The following FHL2 variants were observed in gnomAD, a reference collection of about 807,000 sequenced individuals.
FHL2 encodes the protein four and a half LIM domains 2, also known as four and a half LIM domains protein 2.
In FHL2, 20 loss-of-function variants were observed where a neutral mutation model predicts 32.7. The ratio of observed to expected loss-of-function variants is 0.61; its 90% CI spans 0.43 to 0.89. The LOEUF (loss-of-function observed/expected upper bound fraction) is 0.89, where lower values mean the gene tolerates loss of function less well. Ranked by LOEUF, FHL2 falls within the 40% of genes least tolerant of loss-of-function variation. The pLI is 0.00. For synonymous variants in FHL2, 123 were observed against 128.1 expected (o/e 0.96, Z 0.27); for missense variants, 311 against 358.6 (o/e 0.87, Z 1.07).
chr2:105,363,429 G>A lies in FHL2; in HGVS notation c.544C>T (p.His182Tyr). 9 of 1,612,636 alleles carry A rather than the reference G, an allele frequency of 5.6e-6. No homozygotes were observed. Among genetic ancestry groups the A allele is most frequent in the Non-Finnish European group, 7.6e-6 (9 of 1,179,402 alleles). The change falls in exon 6 of 7, where the codon CAC becomes TAC. Residue 182 changes from histidine (H) to tyrosine (Y), a missense_variant. Coordinates refer to ENST00000530340, the MANE Select transcript of FHL2 (RefSeq NM_001318895.3). ...GCGGTGCACACGAAGCACTCCTTGT[G>A]CCAGGGCTGCTCCCGGTAAGTGACC... Reference protein sequence around the residue: ...GGVTYREQPWHKECFVCTACR... With the variant: ...GGVTYREQPWYKECFVCTACR...
At chr2:105,401,555 C>A (rs1415635534), upstream of FHL2, among the ~76,000 whole-genome samples, 1 of 152,172 alleles carries the variant, frequency 6.6e-6, no homozygotes, top group African/African-American at 2.4e-5. Flanking sequence ...TGTAGATATA[C>A]TTGCTCCTGT....
At chr2:105,411,143 G>A (rs1000576591) in intron 1 of FHL2, among the ~76,000 whole-genome samples, 6 of 152,138 alleles carry the variant, frequency 3.9e-5, no homozygotes, top group East Asian at 1.9e-4. Context: ...AACCACCATC[G>A]CTCTAATCCT....
At chr2:105,372,711 C>A (rs1040107398) in intron 4 of FHL2, among the ~76,000 whole-genome samples, 3 of 152,014 alleles carry the variant, frequency 2.0e-5, no homozygotes, top group African/African-American at 7.3e-5. Flanking sequence ...ATCTCTTGAA[C>A]CTGGGAGGCA....
intron 1 of FHL2, among the ~76,000 whole-genome samples, chr2:105,404,649 G>T (rs1043496023): frequency 6.6e-6 from 1 of 152,188 alleles, no homozygotes; most frequent in African/African-American, 2.4e-5. Flanking sequence ...TTACAGGAAC[G>T]ATCTTGCAGG....
downstream of FHL2, chr2:105,359,267 A>G (rs942645674): frequency 2.6e-5 from 4 of 152,226 alleles, no homozygotes; most frequent in Admixed American, 6.5e-5. Flanking sequence ...GGAACAAGTA[A>G]GATGTTCCAA....
At chr2:105,393,906 A>G (rs1039789100) in intron 2 of FHL2, among the ~76,000 whole-genome samples, 2 of 152,310 alleles carry the variant, frequency 1.3e-5, no homozygotes, top group Admixed American at 6.5e-5. Flanking sequence ...ACACAGCTGC[A>G]CAGTCCAGGA....
intron 6 of FHL2, chr2:105,363,012 G>GGA: frequency 2.4e-6 from 1 of 414,334 alleles, no homozygotes; most frequent in African/African-American, 2.0e-5. Flanking sequence ...ACAGACTGCA[G>GGA]TTTTAGCGAT....
chr2:105,399,232 C>G, upstream of FHL2: 2 of 1,534,270 alleles, frequency 1.3e-6, no homozygotes, highest in South Asian at 2.4e-5. Context: ...CCTTTGTTTG[C>G]CAGGGCTCCT....
rs1684222086 is a variant in FHL2, at chr2:105,425,204, C to CA, written c.-25+13194dup. Reference sequence around the variant, plus strand: ...CCACTTTGACCCAACTTGGAGCTCACAAAAACATGTGTTGTATAAAATCAA... The same window carrying CA: ...CCACTTTGACCCAACTTGGAGCTCACAAAAAACATGTGTTGTATAAAATCAA... On this transcript the variant is annotated intron_variant, in intron 1 of 5. Transcript: ENST00000393352. 2.1e-5 allele frequency among the ~76,000 whole-genome samples: 3 copies of CA among 144,116 alleles called. No individual in the cohort carries two copies. The South Asian group carries it at 6.9e-4, about 33-fold the overall frequency. 94.5% of individuals were successfully genotyped at this position (144,116 alleles called of 152,430 possible).
chr2:105,367,781 G>C lies in FHL2; in HGVS notation c.332-42C>G, dbSNP rs773589636. The C allele has an allele frequency of 1.9e-6, 3 of 1,570,314 alleles. No individual in the cohort carries two copies. The Admixed American group carries it at 5.3e-5, about 28-fold the overall frequency. On this transcript the variant is annotated intron_variant, in intron 4 of 6. Coordinates refer to ENST00000530340, the MANE Select transcript of FHL2 (RefSeq NM_001318895.3). ...GAGGAACACAGCAGAGTTATGGTTA[G>C]AGGGGTGTGGAGTCCCAGCAATCTG... is the stretch of plus-strand genomic sequence containing the variant.
At position 105,429,515 on chromosome 2, in the gene FHL2, G is replaced by C. The variant is rs115706643; in HGVS notation, c.-25+8884C>G. The stretch of plus-strand genomic sequence containing the variant: ...CTGGGCTTTGAAGATAGAAGAAGGG[G>C]CCATGAGCCAAGGAACGTAGGTAGC... On this transcript the variant is annotated intron_variant, in intron 1 of 5. Coordinates refer to the FHL2 transcript ENST00000393352. 7.3e-3 allele frequency among the ~76,000 whole-genome samples: 1,112 copies of C among 152,270 alleles called. 4 individuals are homozygous for C. The highest frequency in any genetic ancestry group is 0.011 in the Non-Finnish European group (732 of 68,024).
intron 3 of FHL2, chr2:105,375,888 C>T (rs915479433): frequency 6.6e-6 from 1 of 152,154 alleles, no homozygotes. Flanking sequence ...TTTCAGAAAT[C>T]TGAGGGGAAC....
upstream of FHL2, among the ~76,000 whole-genome samples, chr2:105,402,135 A>G (rs1448714080): frequency 1.3e-5 from 2 of 149,564 alleles, no homozygotes; most frequent in Non-Finnish European, 3.0e-5. Context: ...ACATATACAC[A>G]TATACACACA....
chr2:105,437,060 C>A (rs180719298), intron 1 of FHL2, among the ~76,000 whole-genome samples: 2 of 152,154 alleles, frequency 1.3e-5, no homozygotes, highest in East Asian at 1.9e-4. Flanking sequence ...CTCTGGAAGC[C>A]CTGAATAGAA....
chr2:105,380,790 A>G (rs1281680273), intron 3 of FHL2, among the ~76,000 whole-genome samples: 1 of 152,226 alleles, frequency 6.6e-6, no homozygotes, highest in East Asian at 1.9e-4. Context: ...AAGAAAGAAA[A>G]AAAAAGTCTT....
At chr2:105,372,495 G>A (rs1433107574) in intron 4 of FHL2, among the ~76,000 whole-genome samples, 1 of 152,084 alleles carries the variant, frequency 6.6e-6, no homozygotes, top group Non-Finnish European at 1.5e-5. Flanking sequence ...AAAGTGCTGG[G>A]ATTACAGGGG....
rs1476835005 is a variant in FHL2 at position 105,367,662 on chromosome 2, CA to C, written c.408del (p.Ile136MetfsTer75). On this transcript the variant is annotated frameshift_variant, in exon 5 of 7. Transcript: ENST00000530340. LOFTEE classifies it high-confidence loss of function. ...CFICHRCQQP[I>X]GTKSFIPKDN... ...TCTTTGGGGATGAAACTCTTGGTTC[CA>C]ATTGGCTGCTGGCAGCGGTGGCAGA... 1.9e-6 allele frequency: 3 copies of C among 1,614,186 alleles called. No individual in the cohort carries two copies. The highest frequency in any genetic ancestry group is 2.5e-6 in the Non-Finnish European group (3 of 1,180,034).
At position 105,398,527 on chromosome 2, in the gene FHL2, G is replaced by C. The variant is rs549852166; in HGVS notation, c.-76+315C>G. On this transcript the variant is annotated intron_variant, in intron 1 of 6. Transcript: ENST00000530340. ...CCCGCAGCCGCCGGCTGGGACCCGC[G>C]GCCAGCCTTTACCCAGGCTCGCCCG... Among the ~76,000 whole-genome samples, 127 of 152,268 alleles carry C rather than the reference G, an allele frequency of 8.3e-4. 2 individuals carry two copies. Among genetic ancestry groups the C allele is most frequent in the African/African-American group, 2.9e-3 (121 of 41,568 alleles).
At chr2:105,385,198 C>T (rs1682213991) in intron 3 of FHL2, among the ~76,000 whole-genome samples, 1 of 152,240 alleles carries the variant, frequency 6.6e-6, no homozygotes, top group Non-Finnish European at 1.5e-5. Context: ...CCTCTTTCGT[C>T]TCTGCTCAAG....
Sources: allele counts gnomAD v4.1 joint callset (sites outside exome capture counted in the v4.1 genomes callset), GRCh38; gene constraint gnomAD v4.1.1; transcripts MANE v1.5; gene names NCBI Gene and HGNC (gene_info 2026-07-23, HGNC 2026-07-21).